CACNA2D2: variants seen among roughly 807,000 people sequenced by gnomAD.
CACNA2D2 encodes the protein voltage-dependent calcium channel subunit alpha-2/delta-2.
CACNA2D2 carries 48 observed loss-of-function variants against 166.4 expected under a neutral mutation model. That is an observed-to-expected ratio of 0.29 (90% CI 0.23 to 0.37). The LOEUF is 0.37. CACNA2D2 is among the 10% of genes least tolerant of loss of function. The pLI is 1.00. For synonymous variants in CACNA2D2, 561 were observed against 573.7 expected, an observed-to-expected ratio of 0.98 and a Z score of 0.32; for missense variants, 1,122 against 1,433.0, an observed-to-expected ratio of 0.78 and a Z score of 3.50.
At chr3:50,440,525 A>G (rs900107892) in intron 2 of CACNA2D2, among the ~76,000 whole-genome samples, 2 of 152,216 alleles carry the variant, frequency 1.3e-5, no homozygotes, top group South Asian at 4.1e-4. Context: ...ATTCCCCTTC[A>G]TATCCAGTAC....
chr3:50,367,573 G>A lies in CACNA2D2; in HGVS notation c.2297+69C>T. The A allele has an allele frequency of 6.2e-7, 1 of 1,600,596 alleles. No homozygotes were observed. Among genetic ancestry groups the A allele is most frequent in the Non-Finnish European group, 8.5e-7 (1 of 1,170,182 alleles). On this transcript the variant is annotated intron_variant, in intron 26 of 37. Transcript: ENST00000424201. The surrounding 1 kb of genome is among the most constrained non-coding windows in gnomAD (Gnocchi z 6.5). ...CAGTGGTCTCCACAGATGCAAGGAG[G>A]CCTCTGGGCAGAACAGATGCAGGTT...
At position 50,461,358 on chromosome 3, in the gene CACNA2D2, T is replaced by C. The variant is rs998377716; in HGVS notation, c.288+14760A>G. ...ACTTCCAACCCACCTGAAATCTCTG[T>C]TGAGCGTTGGGGAGAAGGAAGGCTT... On this transcript the variant is annotated intron_variant, in intron 2 of 37. Transcript: ENST00000424201. Among the ~76,000 whole-genome samples the C allele has an allele frequency of 4.6e-5, 7 of 152,290 alleles. No homozygotes were observed. The South Asian group carries it at 1.2e-3, about 27-fold the overall frequency.
rs77680767 is a variant in CACNA2D2 at position 50,447,476 on chromosome 3, G to C, written c.289-13047C>G. On this transcript the variant is annotated intron_variant, in intron 2 of 37. Transcript: ENST00000424201. ...GCAATGACGCCAGGAGGACAAGAGC[G>C]GAACAAATTGCCCTGATTATGTAAG... Among the ~76,000 whole-genome samples, 140 of 152,246 alleles carry C rather than the reference G, an allele frequency of 9.2e-4. 5 individuals are homozygous for C. In the East Asian group the frequency reaches 0.024, roughly 26 times the overall value.
At chr3:50,453,031 T>C (rs1398985773) in intron 2 of CACNA2D2, among the ~76,000 whole-genome samples, 1 of 152,172 alleles carries the variant, frequency 6.6e-6, no homozygotes, top group East Asian at 1.9e-4. Flanking sequence ...CTCAGAGTCT[T>C]TTCCCAGGAA....
rs587652114 is a variant in CACNA2D2, at chr3:50,376,978, A to C, written c.1626+489T>G. Among the ~76,000 whole-genome samples, 2 of 152,238 alleles carry C rather than the reference A, an allele frequency of 1.3e-5. No homozygotes were observed. Among genetic ancestry groups the C allele is most frequent in the African/African-American group, 2.4e-5 (1 of 41,548 alleles). On this transcript the variant is annotated intron_variant, in intron 17 of 37. Coordinates refer to ENST00000424201, the MANE Select transcript of CACNA2D2 (RefSeq NM_006030.4). This position sits in a 1 kb window ranked among gnomAD's most constrained non-coding sequence, Gnocchi z 4.3. Reference sequence around the variant, plus strand: ...TCCCCTCCTTTCCTTTCTGCCTGGGACACTCCTGCCTATGTGCATGGGCCA... The same window carrying C: ...TCCCCTCCTTTCCTTTCTGCCTGGGCCACTCCTGCCTATGTGCATGGGCCA...
At chr3:50,449,220 C>A (rs1708994046) in intron 2 of CACNA2D2, among the ~76,000 whole-genome samples, 1 of 152,206 alleles carries the variant, frequency 6.6e-6, no homozygotes, top group African/African-American at 2.4e-5. Context: ...AGCCTCGGAG[C>A]AAGATGGCAG....
chr3:50,366,759 G>C lies in CACNA2D2; in HGVS notation c.2589+72C>G. 1 of 1,553,226 alleles carries C rather than the reference G, an allele frequency of 6.4e-7. No homozygotes were observed. Among genetic ancestry groups the C allele is most frequent in the South Asian group, 1.1e-5 (1 of 88,522 alleles). On this transcript the variant is annotated intron_variant, in intron 29 of 37. Transcript: ENST00000424201. This position sits in a 1 kb window ranked among gnomAD's most constrained non-coding sequence, Gnocchi z 5.9. ...GTAGGTGTTGGAGCCACTGAGTGGAGGGTTGGTGGGGGTTCCAGGGGACTC... is the reference window on the plus strand; with the variant it reads ...GTAGGTGTTGGAGCCACTGAGTGGACGGTTGGTGGGGGTTCCAGGGGACTC...
At chr3:50,477,310 T>C (rs968631100) in intron 1 of CACNA2D2, among the ~76,000 whole-genome samples, 11 of 152,054 alleles carry the variant, frequency 7.2e-5, no homozygotes, top group African/African-American at 2.7e-4. Flanking sequence ...CCTTTCAGGG[T>C]GTTATAAGAA....
chr3:50,406,938 C>A lies in CACNA2D2; in HGVS notation c.406-12770G>T, dbSNP rs558106330. On this transcript the variant is annotated intron_variant, in intron 3 of 37. Coordinates refer to ENST00000424201, the MANE Select transcript of CACNA2D2 (RefSeq NM_006030.4). ...ATTCTTCACCTTTCTCTGTCCATCA[C>A]CCTCCAGCATCATCAGAGGGTTGGG... Among the ~76,000 whole-genome samples, 16 of 151,954 alleles carry A rather than the reference C, an allele frequency of 1.1e-4. 1 individual carries two copies. Among genetic ancestry groups the A allele is most frequent in the African/African-American group, 3.8e-4 (16 of 41,570 alleles).
At chr3:50,385,457 C>T (rs1210003821) in intron 5 of CACNA2D2, among the ~76,000 whole-genome samples, 1 of 152,206 alleles carries the variant, frequency 6.6e-6, no homozygotes, top group Non-Finnish European at 1.5e-5. Context: ...CCTGGGCATG[C>T]CCCTCCCCTG....
rs1339047784 is a variant in CACNA2D2 at position 50,379,759 on chromosome 3, G to A, written c.959C>T (p.Thr320Met). 2.5e-6 allele frequency: 4 copies of A among 1,613,848 alleles called. No individual in the cohort carries two copies. Among genetic ancestry groups the A allele is most frequent in the Non-Finnish European group, 3.4e-6 (4 of 1,180,038 alleles). The change falls in exon 10 of 38, where the codon ACG becomes ATG. Residue 320 changes from threonine (T) to methionine (M), a missense_variant. Physicochemically the swap from Thr to Met is moderately conservative, Grantham distance 81. Around this residue, in one of 2 missense-constraint regions of CACNA2D2, gnomAD observed 840 missense variants for 1,166.8 expected, o/e 0.72. Transcript: ENST00000424201. The surrounding 1 kb of genome is among the most constrained non-coding windows in gnomAD (Gnocchi z 6.5). ...ATTCACATAGTCATCATCAGACAGCGTGTCCAGCATCTCGCAGACAGATGT... is the reference window on the plus strand; with the variant it reads ...ATTCACATAGTCATCATCAGACAGCATGTCCAGCATCTCGCAGACAGATGT... ...MKTSVCEMLDTLSDDDYVNVA... is the reference protein window; with the variant it reads ...MKTSVCEMLDMLSDDDYVNVA...
At chr3:50,406,224 C>G (rs1268543245) in intron 3 of CACNA2D2, among the ~76,000 whole-genome samples, 2 of 151,854 alleles carry the variant, frequency 1.3e-5, no homozygotes, top group African/African-American at 4.8e-5. Flanking sequence ...GGCAATCAGC[C>G]TGACTCTAAA....
intron 22 of CACNA2D2, 58 bp from the exon 23 acceptor site, chr3:50,370,438 C>T (rs1044065097): frequency 1.4e-6 from 1 of 719,310 alleles, no homozygotes. Flanking sequence ...GGCCGGGGGG[C>T]TCAGAGCTGA....
intron 3 of CACNA2D2, among the ~76,000 whole-genome samples, chr3:50,425,073 C>T (rs1465628677): frequency 6.6e-6 from 1 of 152,146 alleles, no homozygotes; most frequent in African/African-American, 2.4e-5. Flanking sequence ...ACTGGCCGCT[C>T]CCAGGGCCAT....
rs867474807 is a variant in CACNA2D2, at chr3:50,380,118, T to C, written c.843-100A>G. On this transcript the variant is annotated intron_variant, in intron 8 of 37. Transcript: ENST00000424201. The surrounding 1 kb of genome is among the most constrained non-coding windows in gnomAD (Gnocchi z 4.9). ...TGATTCAATACATTTCTCTTGAGCA[T>C]GCACTGTGTGGGCCAGGCAGGGTTC... 11 of 1,229,482 alleles carry C rather than the reference T, an allele frequency of 8.9e-6. No individual in the cohort carries two copies. Among genetic ancestry groups the C allele is most frequent in the Middle Eastern group, 2.0e-4 (1 of 4,972 alleles). The allele number at this position is 1,229,482 out of a possible 1,614,324, so 76.2% of individuals were successfully genotyped here.
chr3:50,389,263 A>G (rs1426291446), intron 4 of CACNA2D2, among the ~76,000 whole-genome samples: 3 of 152,224 alleles, frequency 2.0e-5, no homozygotes, highest in Non-Finnish European at 4.4e-5. Flanking sequence ...CAAACACAAT[A>G]AGGAGTTTCA....
chr3:50,413,125 G>A (rs1379429741), intron 3 of CACNA2D2, among the ~76,000 whole-genome samples: 1 of 152,160 alleles, frequency 6.6e-6, no homozygotes, highest in African/African-American at 2.4e-5. Context: ...CCCAGCTGCT[G>A]CTGCCGCTGC....
At position 50,434,301 on chromosome 3, in the gene CACNA2D2, A is replaced by C; in HGVS notation, c.405+12T>G. On this transcript the variant is annotated intron_variant, in intron 3 of 37. Transcript: ENST00000424201. ...TCAGTGCCGCCCCCCTGCCCCCAAAACACACACCTACCTTCAGGGCCTGCA... is the reference window on the plus strand; with the variant it reads ...TCAGTGCCGCCCCCCTGCCCCCAAACCACACACCTACCTTCAGGGCCTGCA... 6.3e-7 allele frequency: 1 copy of C among 1,599,960 alleles called. No homozygotes were observed. Among genetic ancestry groups the C allele is most frequent in the Non-Finnish European group, 8.6e-7 (1 of 1,167,548 alleles).
At chr3:50,457,095 CA>C (rs1709394047) in intron 2 of CACNA2D2, among the ~76,000 whole-genome samples, 1 of 152,098 alleles carries the variant, frequency 6.6e-6, no homozygotes, top group Admixed American at 6.5e-5. Context: ...ACTAAAAATA[CA>C]AAAACTAGCT....
Sources: gnomAD v4.1 joint callset for allele counts (sites outside exome capture counted in the v4.1 genomes callset) on GRCh38, gnomAD v4.1.1 for gene constraint, gnomAD v4.1.1 regional missense constraint, Gnocchi (gnomAD v3.1) non-coding constraint, MANE v1.5 for transcripts, NCBI Gene and HGNC (gene_info 2026-07-23, HGNC 2026-07-21) for gene names.